The following FRMPD4 variants were observed in gnomAD, a reference collection of about 807,000 sequenced individuals.
FRMPD4 encodes FERM and PDZ domain-containing protein 4.
In FRMPD4, 22 loss-of-function variants were observed where a neutral mutation model predicts 94.1. The observed-to-expected ratio is 0.23, with a 90% confidence interval of 0.17 to 0.33. The LOEUF (loss-of-function observed/expected upper bound fraction) is 0.33, where lower values mean the gene tolerates loss of function less well. Ranked by LOEUF, FRMPD4 falls within the 10% of genes least tolerant of loss-of-function variation. FRMPD4 has a pLI of 1.00. For missense variants in FRMPD4, 1,111 were observed against 1,339.9 expected (o/e 0.83, Z 2.67); for synonymous variants, 631 against 548.6 (o/e 1.15, Z -2.10).
At chrX:12,139,856 C>T (rs1198523956) in intron 1 of FRMPD4, among the ~76,000 whole-genome samples, 4 of 111,548 alleles carry the variant, frequency 3.6e-5, no homozygotes, top group Admixed American at 1.9e-4. Flanking sequence ...GAAAACCATG[C>T]CCAACCTTCT....
intron 1 of FRMPD4, among the ~76,000 whole-genome samples, chrX:12,163,346 G>A (rs973474288): frequency 1.9e-5 from 2 of 106,285 alleles, no homozygotes; most frequent in African/African-American, 7.1e-5. Flanking sequence ...TGCTTTGGGG[G>A]TTTTGTTTGT....
At chrX:12,236,332 A>G (rs2057070169) in intron 1 of FRMPD4, among the ~76,000 whole-genome samples, 1 of 111,577 alleles carries the variant, frequency 9.0e-6, no homozygotes, top group Admixed American at 9.6e-5. Context: ...TAAAAGGCCA[A>G]GTTTGCTCAA....
chrX:12,431,160 G>A (rs183941141), intron 1 of FRMPD4, among the ~76,000 whole-genome samples: 4 of 112,830 alleles, frequency 3.5e-5, no homozygotes, highest in Admixed American at 9.3e-5. Flanking sequence ...CTTTAGGAAT[G>A]CATATATGAA....
chrX:11,827,087 A>ATATATTT (rs58743575), intron 1 of FRMPD4, among the ~76,000 whole-genome samples: 1 of 83,297 alleles, frequency 1.2e-5, no homozygotes, highest in East Asian at 4.0e-4. Flanking sequence ...TATATATATA[A>ATATATTT]AATATATATG....
intron 2 of FRMPD4, among the ~76,000 whole-genome samples, chrX:11,875,869 A>ATTTT (rs869076863): frequency 1.9e-3 from 108 of 57,247 alleles, no homozygotes; most frequent in Admixed American, 2.9e-3. Context: ...CCACTTGAGG[A>ATTTT]TTTTTTTTTT....
At chrX:12,229,022 A>G (rs539372244) in intron 1 of FRMPD4, among the ~76,000 whole-genome samples, 2 of 112,492 alleles carry the variant, frequency 1.8e-5, no homozygotes, top group East Asian at 5.6e-4. Context: ...GTTTTCACAA[A>G]TCATATATCA....
At chrX:12,072,368 T>A (rs1173048391) in intron 3 of FRMPD4, among the ~76,000 whole-genome samples, 1 of 112,316 alleles carries the variant, frequency 8.9e-6, no homozygotes, top group African/African-American at 3.2e-5. Context: ...TTTGTTCCCA[T>A]TTCCATCTCC....
At chrX:12,194,113 T>TAA (rs1362773046) in intron 1 of FRMPD4, among the ~76,000 whole-genome samples, 1 of 110,217 alleles carries the variant, frequency 9.1e-6, no homozygotes, top group Non-Finnish European at 1.9e-5. Context: ...TACTCTTGGG[T>TAA]ATTTGGCTGC....
intron 2 of FRMPD4, among the ~76,000 whole-genome samples, chrX:12,522,723 C>T (rs1054082934): frequency 9.2e-6 from 1 of 108,481 alleles, no homozygotes; most frequent in Non-Finnish European, 1.9e-5. Context: ...CCACCTCAGC[C>T]TCCCAGGTAG....
intron 16 of FRMPD4, among the ~76,000 whole-genome samples, chrX:12,720,034 GGAAAGGAAAGGAAAGGAAAGAAA>G (rs1459953351): frequency 0.017 from 523 of 31,321 alleles, 5 homozygotes; most frequent in Middle Eastern, 0.052. Flanking sequence ...GGAAAGGAAA[GGAAAGGAAAGGAAAGGAAAGAAA>G]GAAAGAAAGA....
intron 1 of FRMPD4, among the ~76,000 whole-genome samples, chrX:12,179,873 C>T (rs1455065422): frequency 1.1e-5 from 1 of 91,358 alleles, no homozygotes; most frequent in Non-Finnish European, 2.1e-5. Context: ...CTAACCTAGC[C>T]TTTTTTTTTT....
intron 3 of FRMPD4, among the ~76,000 whole-genome samples, chrX:12,120,631 C>G (rs1430747183): frequency 1.8e-5 from 2 of 111,961 alleles, no homozygotes; most frequent in Non-Finnish European, 3.8e-5. Flanking sequence ...GTTATCAGAA[C>G]TAAGTAAAAA....
intron 3 of FRMPD4, among the ~76,000 whole-genome samples, chrX:11,896,681 C>T (rs1465055678): frequency 5.4e-5 from 6 of 112,111 alleles, no homozygotes; most frequent in African/African-American, 1.9e-4. Flanking sequence ...TGGACTAAGA[C>T]ATCAATGTAA....
chrX:11,935,269 G>GTGT (rs2054150811), intron 3 of FRMPD4, among the ~76,000 whole-genome samples: 4 of 5,011 alleles, frequency 8.0e-4, no homozygotes, highest in African/African-American at 8.7e-4. Flanking sequence ...TTTTTAATGT[G>GTGT]TTTTTTTTTT....
chrX:12,051,872 T>C (rs2054820714), intron 3 of FRMPD4, among the ~76,000 whole-genome samples: 1 of 111,384 alleles, frequency 9.0e-6, no homozygotes. Context: ...GAAAGAACTT[T>C]AGGGAAGAAA....
intron 1 of FRMPD4, among the ~76,000 whole-genome samples, chrX:12,188,603 G>A (rs1052816872): frequency 9.0e-6 from 1 of 111,724 alleles, no homozygotes; most frequent in Non-Finnish European, 1.9e-5. Flanking sequence ...ATTTCGATAC[G>A]AAACCTAGAT....
chrX:12,246,872 G>A (rs1364344394), intron 1 of FRMPD4, among the ~76,000 whole-genome samples: 1 of 111,571 alleles, frequency 9.0e-6, no homozygotes, highest in Non-Finnish European at 1.9e-5. Flanking sequence ...AATTTGAAAA[G>A]AAGGTGGTGA....
At chrX:12,567,089 T>C (rs915114305) in intron 2 of FRMPD4, among the ~76,000 whole-genome samples, 1 of 111,431 alleles carries the variant, frequency 9.0e-6, no homozygotes, top group African/African-American at 3.3e-5. Context: ...AAAAAACACT[T>C]TTTTTCCACA....
At chrX:12,502,079 G>A (rs2057927921) in intron 2 of FRMPD4, among the ~76,000 whole-genome samples, 1 of 112,222 alleles carries the variant, frequency 8.9e-6, no homozygotes, top group African/African-American at 3.2e-5. Flanking sequence ...AAAAAATCCT[G>A]ATGCCTGGGT....
Sources: gnomAD v4.1 joint callset for allele counts (sites outside exome capture counted in the v4.1 genomes callset) on GRCh38, gnomAD v4.1.1 for gene constraint, MANE v1.5 for transcripts, NCBI Gene and HGNC (gene_info 2026-07-23, HGNC 2026-07-21) for gene names.